Variants in SLC35D4 observed in about 807,000 individuals in gnomAD.
SLC35D4 encodes UDP-N-acetylglucosamine transporter SLC35D4.
the SLC35D4 span, among the ~76,000 whole-genome samples, chr18:23,377,411 A>G: frequency 1.3e-5 from 2 of 152,238 alleles, no homozygotes; most frequent in Non-Finnish European, 2.9e-5. Flanking sequence ...GGCATCAATG[A>G]CTGAAATCTA....
chr18:23,340,719 G>A, the SLC35D4 span, among the ~76,000 whole-genome samples: 2 of 152,148 alleles, frequency 1.3e-5, no homozygotes. Flanking sequence ...TAGCAATTAC[G>A]GCATCAGCTT....
the SLC35D4 span, among the ~76,000 whole-genome samples, chr18:23,335,251 C>T: frequency 2.0e-5 from 3 of 152,318 alleles, no homozygotes; most frequent in East Asian, 5.8e-4. Flanking sequence ...AAGTAAATAT[C>T]TGCTAAAATT....
At chr18:23,276,234 C>T in the SLC35D4 span, among the ~76,000 whole-genome samples, 2 of 151,812 alleles carry the variant, frequency 1.3e-5, no homozygotes, top group Non-Finnish European at 2.9e-5. Context: ...ACTACAGGCA[C>T]CCACCAAAAC....
At chr18:23,248,538 T>TA in the SLC35D4 span, among the ~76,000 whole-genome samples, 3,356 of 93,466 alleles carry the variant, frequency 0.036, 126 homozygotes, top group East Asian at 0.22. Context: ...TTTTTTTTTT[T>TA]AAAAAAAGGC....
chr18:23,372,659 A>G, the SLC35D4 span, among the ~76,000 whole-genome samples: 3 of 152,144 alleles, frequency 2.0e-5, no homozygotes, highest in African/African-American at 7.2e-5. Context: ...CCCTGTAATT[A>G]TGGCTACTCC....
At chr18:23,284,516 G>T in the SLC35D4 span, among the ~76,000 whole-genome samples, 1 of 152,082 alleles carries the variant, frequency 6.6e-6, no homozygotes, top group Non-Finnish European at 1.5e-5. Flanking sequence ...CTACCTTTCT[G>T]GTCAAACCAA....
chr18:23,348,921 T>C, the SLC35D4 span, among the ~76,000 whole-genome samples: 1 of 152,258 alleles, frequency 6.6e-6, no homozygotes, highest in Non-Finnish European at 1.5e-5. Flanking sequence ...TCTTTCATAT[T>C]TGAAGAATAG....
At chr18:23,365,758 T>C in the SLC35D4 span, 1 of 1,494,912 alleles carries the variant, frequency 6.7e-7, no homozygotes, top group South Asian at 1.2e-5. Flanking sequence ...AATAGTTAAA[T>C]ATGCCTAAAA....
chr18:23,418,380 A>ATTT, the SLC35D4 span, among the ~76,000 whole-genome samples: 12 of 147,876 alleles, frequency 8.1e-5, no homozygotes, highest in African/African-American at 2.5e-4. Flanking sequence ...TATTATTATT[A>ATTT]TTATTTTTTG....
chr18:23,374,485 C>CTT, the SLC35D4 span, among the ~76,000 whole-genome samples: 3 of 139,382 alleles, frequency 2.2e-5, no homozygotes, highest in African/African-American at 2.6e-5. Context: ...GATATGACAT[C>CTT]TTTTTTTTTT....
chr18:23,365,292 A>AT, the SLC35D4 span, among the ~76,000 whole-genome samples: 1 of 152,118 alleles, frequency 6.6e-6, no homozygotes, highest in African/African-American at 2.4e-5. Flanking sequence ...TTTTTCACCA[A>AT]TTTTTTTAAC....
chr18:23,264,114 G>A, the SLC35D4 span, among the ~76,000 whole-genome samples: 1 of 152,336 alleles, frequency 6.6e-6, no homozygotes, highest in East Asian at 1.9e-4. Context: ...CTCTGAATCA[G>A]CTTTCTGCTC....
At chr18:23,407,181 T>A in the SLC35D4 span, among the ~76,000 whole-genome samples, 1 of 152,224 alleles carries the variant, frequency 6.6e-6, no homozygotes, top group Non-Finnish European at 1.5e-5. Context: ...AACTCACTTT[T>A]TTCATTTATC....
At chr18:23,342,564 T>C in the SLC35D4 span, among the ~76,000 whole-genome samples, 1 of 152,216 alleles carries the variant, frequency 6.6e-6, no homozygotes, top group Non-Finnish European at 1.5e-5. Flanking sequence ...TGTGGCCATA[T>C]ACTTTCATTT....
At chr18:23,375,778 A>C in the SLC35D4 span, among the ~76,000 whole-genome samples, 1 of 152,218 alleles carries the variant, frequency 6.6e-6, no homozygotes, top group African/African-American at 2.4e-5. Context: ...GCAATTTTTA[A>C]AAATTCTTGC....
the SLC35D4 span, among the ~76,000 whole-genome samples, chr18:23,381,332 G>A: frequency 6.6e-6 from 1 of 152,186 alleles, no homozygotes; most frequent in Non-Finnish European, 1.5e-5. Flanking sequence ...CCTCAGGGAA[G>A]TAGAAACAGT....
the SLC35D4 span, among the ~76,000 whole-genome samples, chr18:23,398,836 A>G: frequency 6.6e-6 from 1 of 152,210 alleles, no homozygotes; most frequent in African/African-American, 2.4e-5. Flanking sequence ...CTTTCCCCAA[A>G]GTCAGAATAC....
chr18:23,418,891 C>CACCATAA, the SLC35D4 span, among the ~76,000 whole-genome samples: 1 of 151,726 alleles, frequency 6.6e-6, no homozygotes, highest in Admixed American at 6.6e-5. Flanking sequence ...GCCTGTAGTC[C>CACCATAA]CAGCTACTCG....
chr18:23,339,058 A>G, the SLC35D4 span, among the ~76,000 whole-genome samples: 1 of 151,878 alleles, frequency 6.6e-6, no homozygotes, highest in South Asian at 2.1e-4. Context: ...TGGCTAATTA[A>G]AAAAAAACTT....
Sources: allele counts gnomAD v4.1 joint callset (sites outside exome capture counted in the v4.1 genomes callset), GRCh38; gene constraint gnomAD v4.1.1; transcripts MANE v1.5; gene names NCBI Gene and HGNC (gene_info 2026-07-23, HGNC 2026-07-21).